FAM237A: variants seen among roughly 807,000 people sequenced by gnomAD.
The protein encoded by FAM237A is family with sequence similarity 237 member A.
In FAM237A, 14 loss-of-function variants were observed where a neutral mutation model predicts 12.5. The ratio of observed to expected loss-of-function variants is 1.12; its 90% CI spans 0.74 to 1.75. The LOEUF is 1.75. Among genes scored for constraint, FAM237A ranks in the 40% most tolerant of loss-of-function variants. FAM237A has a pLI of 0.00. For synonymous variants in FAM237A, 85 were observed against 77.5 expected (o/e 1.10, Z -0.51); for missense variants, 240 against 211.7 (o/e 1.13, Z -0.83).
At chr2:206,644,786 A>G (rs1699296744) in intron 2 of FAM237A, 138 bp downstream of exon 2, 5 of 798,670 alleles carry the variant, frequency 6.3e-6, no homozygotes, top group Non-Finnish European at 9.6e-6. Context: ...CCAAGAGCAC[A>G]TAACTGATAG....
rs898843333 is a variant in FAM237A at position 206,649,302 on chromosome 2, C to CA, written c.*514dup. On this transcript the variant is annotated 3_prime_UTR_variant, in exon 3 of 3. Transcript: ENST00000441223. ...GAATGAAGCAAAAAGTAAAACAAAA[C>CA]AAAAAACTGGCAAATAAAGCATTCT... Among the ~76,000 whole-genome samples the CA allele has an allele frequency of 6.6e-6, 1 of 151,966 alleles. No individual in the cohort carries two copies. Among genetic ancestry groups the CA allele is most frequent in the African/African-American group, 2.4e-5 (1 of 41,394 alleles).
chr2:206,644,417 T>C lies in FAM237A; in HGVS notation c.181T>C (p.Trp61Arg). The change falls in exon 2 of 3, where the codon TGG (tryptophan) becomes CGG (arginine). Residue 61 changes from tryptophan to arginine, a missense_variant. Coordinates refer to ENST00000441223, the MANE Select transcript of FAM237A (RefSeq NM_001102659.3). ...CTCCTCAGTGCTTCTCCTGGAAATG[T>C]GGAAACCTCGCGTTTCCAACACTGT... ...ESSSVLLLEM[W>R]KPRVSNTVSG... 2 of 1,613,916 alleles carry C rather than the reference T, an allele frequency of 1.2e-6. No individual in the cohort carries two copies. The highest frequency in any genetic ancestry group is 1.7e-6 in the Non-Finnish European group (2 of 1,179,844).
rs1699352639 is a variant in FAM237A at position 206,648,945 on chromosome 2, C to T, written c.*151C>T. 2.1e-6 allele frequency: 1 copy of T among 467,254 alleles called. No homozygotes were observed. The highest frequency in any genetic ancestry group is 3.4e-6 in the Non-Finnish European group (1 of 294,188). 28.9% of individuals were successfully genotyped at this position (467,254 alleles called of 1,614,324 possible). On this transcript the variant is annotated 3_prime_UTR_variant, in exon 3 of 3. Coordinates refer to ENST00000441223, the MANE Select transcript of FAM237A (RefSeq NM_001102659.3). Reference sequence around the variant, plus strand: ...CTCTCAGTATACTAATTTAAAGCTGCCTTCTATTATTTATTTATTTATTTT... The same window carrying T: ...CTCTCAGTATACTAATTTAAAGCTGTCTTCTATTATTTATTTATTTATTTT...
At chr2:206,644,732 T>A in intron 2 of FAM237A, 84 bp downstream of exon 2, 1 of 1,299,398 alleles carries the variant, frequency 7.7e-7, no homozygotes, top group Non-Finnish European at 1.0e-6. Context: ...GAAATGGCAT[T>A]AGGGGAATCC....
At chr2:206,646,972 C>T (rs143938859) in intron 2 of FAM237A, among the ~76,000 whole-genome samples, 69 of 152,238 alleles carry the variant, frequency 4.5e-4, no homozygotes, top group East Asian at 3.3e-3. Flanking sequence ...TAAGTGTCTA[C>T]GTAATATGCA....
At chr2:206,645,957 T>G (rs1696092150) in intron 2 of FAM237A, among the ~76,000 whole-genome samples, 1 of 152,194 alleles carries the variant, frequency 6.6e-6, no homozygotes, top group East Asian at 1.9e-4. Flanking sequence ...TGGTTTTTTT[T>G]TTTATTCTAT....
intron 1 of FAM237A, among the ~76,000 whole-genome samples, chr2:206,643,937 C>T (rs767654762): frequency 1.4e-4 from 22 of 152,108 alleles, no homozygotes; most frequent in Non-Finnish European, 2.8e-4. Flanking sequence ...TCTTCTGTAC[C>T]AGAGAAAAAC....
intron 2 of FAM237A, among the ~76,000 whole-genome samples, chr2:206,647,861 T>C (rs6734846): frequency 0.072 from 10,963 of 152,248 alleles, 466 homozygotes; most frequent in Admixed American, 0.14. Context: ...ACAAAAAGCC[T>C]GCCTTCCTGA....
intron 2 of FAM237A, 32 bp downstream of exon 2, chr2:206,644,680 AG>A: frequency 6.6e-7 from 1 of 1,507,860 alleles, no homozygotes; most frequent in Non-Finnish European, 8.8e-7. Context: ...GTCTTTTGAA[AG>A]GGTCAATCAA....
Position 206,644,605 on chromosome 2 carries a change from G to T in FAM237A, c.369G>T (p.Glu123Asp). Reference protein sequence around the residue: ...LGRRQLVGEEEKISAAQPQHT... With the variant: ...LGRRQLVGEEDKISAAQPQHT... ...GGAGGCAATTGGTTGGAGAGGAAGA[G>T]AAAATCTCAGCAGCGCAGCCACAGC... The change falls in exon 2 of 3, where the codon GAG (glutamate) becomes GAT (aspartate). Residue 123 changes from glutamate (E) to aspartate (D), a missense_variant. By Grantham distance (45) the Glu-to-Asp change is conservative. Coordinates refer to ENST00000441223, the MANE Select transcript of FAM237A (RefSeq NM_001102659.3). The T allele has an allele frequency of 6.2e-7, 1 of 1,606,202 alleles. No homozygotes were observed. Among genetic ancestry groups the T allele is most frequent in the Non-Finnish European group, 8.5e-7 (1 of 1,176,974 alleles).
Position 206,644,645 on chromosome 2 carries a change from C to T in FAM237A, c.409C>T (p.Gln137Ter). 1.3e-6 allele frequency: 2 copies of T among 1,559,890 alleles called. No homozygotes were observed. Among genetic ancestry groups the T allele is most frequent in the Non-Finnish European group, 8.6e-7 (1 of 1,156,674 alleles). Residue 137 changes from glutamine to a stop codon, truncating the protein, a stop_gained, in exon 2 of 3, where the codon CAA becomes TAA. Coordinates refer to ENST00000441223, the MANE Select transcript of FAM237A (RefSeq NM_001102659.3). LOFTEE classifies it high-confidence loss of function. ...AAQPQHTRSK[Q>*]GTYSQLLRTS... ...GCAGCCACAGCACACAAGGAGTAAACAAGGTGGTCAACCCCAGCTCCCATG... is the reference window on the plus strand; with the variant it reads ...GCAGCCACAGCACACAAGGAGTAAATAAGGTGGTCAACCCCAGCTCCCATG...
chr2:206,648,675 C>A lies in FAM237A; in HGVS notation c.427C>A (p.Leu143Ile), dbSNP rs1699347600. 6.3e-7 allele frequency: 1 copy of A among 1,590,926 alleles called. No homozygotes were observed. ...TCTACTTTCAGGTACATATTCTCAGCTCCTAAGGACCTCCTTCCTAAAGAA... is the reference window on the plus strand; with the variant it reads ...TCTACTTTCAGGTACATATTCTCAGATCCTAAGGACCTCCTTCCTAAAGAA... ...TRSKQGTYSQ[L>I]LRTSFLKKKE... Residue 143 changes from leucine to isoleucine, a missense_variant, in exon 3 of 3, where the codon CTC (leucine) becomes ATC (isoleucine). Coordinates refer to ENST00000441223, the MANE Select transcript of FAM237A (RefSeq NM_001102659.3).
chr2:206,648,226 T>C (rs1559300901), intron 2 of FAM237A, among the ~76,000 whole-genome samples: 1 of 152,164 alleles, frequency 6.6e-6, no homozygotes, highest in Non-Finnish European at 1.5e-5. Flanking sequence ...ACAGGAAACC[T>C]GGAAACAATC....
intron 1 of FAM237A, among the ~76,000 whole-genome samples, chr2:206,643,023 C>T (rs1559299450): frequency 1.3e-5 from 2 of 152,218 alleles, no homozygotes; most frequent in Non-Finnish European, 2.9e-5. Flanking sequence ...AATCTTGTAT[C>T]TCTAACATGC....
At chr2:206,648,301 A>G (rs1478573683) in intron 2 of FAM237A, among the ~76,000 whole-genome samples, 7 of 152,220 alleles carry the variant, frequency 4.6e-5, no homozygotes, top group African/African-American at 1.4e-4. Context: ...ACACAAAACT[A>G]TGGTTATCTC....
At chr2:206,644,137 C>T (rs1190562461) in intron 1 of FAM237A, 90 bp from the exon 2 acceptor site, 3 of 1,192,668 alleles carry the variant, frequency 2.5e-6, no homozygotes, top group Non-Finnish European at 3.4e-6. Context: ...GTTTCCTTTG[C>T]TGGAAGTAAG....
chr2:206,643,607 T>C (rs995744793), intron 1 of FAM237A, among the ~76,000 whole-genome samples: 10 of 152,166 alleles, frequency 6.6e-5, no homozygotes, highest in Non-Finnish European at 1.5e-5. Flanking sequence ...TGCAGAACAT[T>C]ATTGGTATTT....
intron 2 of FAM237A, 137 bp from the exon 3 acceptor site, chr2:206,648,524 C>G (rs1044504546): frequency 2.8e-5 from 24 of 853,976 alleles, no homozygotes; most frequent in Non-Finnish European, 1.0e-5. Context: ...ATATATTCCT[C>G]TGAAATCAAT....
At position 206,643,778 on chromosome 2, in the gene FAM237A, G is replaced by A. The variant is rs531941559; in HGVS notation, c.-10-449G>A. Among the ~76,000 whole-genome samples, 15 of 152,182 alleles carry A rather than the reference G, an allele frequency of 9.9e-5. No individual in the cohort carries two copies. The South Asian group carries it at 3.1e-3, about 32-fold the overall frequency. On this transcript the variant is annotated intron_variant, in intron 1 of 2. Coordinates refer to ENST00000441223, the MANE Select transcript of FAM237A (RefSeq NM_001102659.3). ...AAAAAATTAAAAGTCACAGTGAACAGGAATGGATCTAAAGGTTAAATATAT... is the reference window on the plus strand; with the variant it reads ...AAAAAATTAAAAGTCACAGTGAACAAGAATGGATCTAAAGGTTAAATATAT...
Sources: allele counts gnomAD v4.1 joint callset (sites outside exome capture counted in the v4.1 genomes callset), GRCh38; gene constraint gnomAD v4.1.1; transcripts MANE v1.5; gene names NCBI Gene and HGNC (gene_info 2026-07-23, HGNC 2026-07-21).